The following KIAA0319 variants were observed in gnomAD, a reference collection of about 807,000 sequenced individuals.
KIAA0319 encodes the protein dyslexia-associated protein KIAA0319.
Under a neutral mutation model 108.4 loss-of-function variants are expected in KIAA0319, and 83 were observed. The observed-to-expected ratio is 0.77, with a 90% confidence interval of 0.64 to 0.92. The LOEUF is 0.92. KIAA0319 is among the 40% of genes least tolerant of loss of function. The pLI, the probability that KIAA0319 is intolerant of heterozygous loss-of-function variation, is 0.00. For missense variants in KIAA0319, 1,195 were observed against 1,322.4 expected (o/e 0.90, Z 1.49); for synonymous variants, 484 against 510.4 (o/e 0.95, Z 0.70).
Position 24,599,216 on chromosome 6 carries a change from G to A in KIAA0319, c.55+1833C>T. 2 of 519,788 alleles carry A rather than the reference G, an allele frequency of 3.8e-6. No homozygotes were observed. Among genetic ancestry groups the A allele is most frequent in the Non-Finnish European group, 3.5e-6 (1 of 282,498 alleles). The allele number at this position is 519,788 out of a possible 1,614,324, so 32.2% of individuals were successfully genotyped here. The stretch of plus-strand genomic sequence containing the variant: ...GCCTGTACCAGGTCAAGTATGAGGA[G>A]CTGCAGGCACTGGCTGGGAAGCACA... On this transcript the variant is annotated intron_variant, in intron 2 of 20. Transcript: ENST00000378214. The surrounding 1 kb of genome is among the most constrained non-coding windows in gnomAD (Gnocchi z 4.1).
At chr6:24,564,883 C>T (rs887410770) in intron 14 of KIAA0319, among the ~76,000 whole-genome samples, 7 of 152,130 alleles carry the variant, frequency 4.6e-5, no homozygotes, top group African/African-American at 7.2e-5. Flanking sequence ...AACAGAGACT[C>T]ATTGTTATTA....
chr6:24,599,120 G>A lies in KIAA0319; in HGVS notation c.55+1929C>T. On this transcript the variant is annotated intron_variant, in intron 2 of 20. Coordinates refer to ENST00000378214, the MANE Select transcript of KIAA0319 (RefSeq NM_014809.4). The surrounding 1 kb of genome is among the most constrained non-coding windows in gnomAD (Gnocchi z 4.1). Reference sequence around the variant, plus strand: ...TGGACAACAGCTGGTCCCTGGACATGGACAGCATCATTGCTGAGGTCAAGG... The same window carrying A: ...TGGACAACAGCTGGTCCCTGGACATAGACAGCATCATTGCTGAGGTCAAGG... The A allele has an allele frequency of 1.5e-6, 1 of 667,246 alleles. No homozygotes were observed. Among genetic ancestry groups the A allele is most frequent in the Non-Finnish European group, 2.7e-6 (1 of 375,342 alleles). 41.3% of individuals were successfully genotyped at this position (667,246 alleles called of 1,614,324 possible). A position where few individuals can be genotyped will look rare whatever the true frequency, so the allele number is the denominator to read the frequency against.
At chr6:24,581,734 A>T (rs886145444) in intron 6 of KIAA0319, among the ~76,000 whole-genome samples, 8 of 152,192 alleles carry the variant, frequency 5.3e-5, no homozygotes, top group Admixed American at 1.3e-4. Context: ...CCAAACTGAG[A>T]TATACTAAGT....
rs755107346 is a variant in KIAA0319 at position 24,569,891 on chromosome 6, G to C, written c.1991+12C>G. 6.2e-7 allele frequency: 1 copy of C among 1,613,572 alleles called. No homozygotes were observed. The highest frequency in any genetic ancestry group is 8.5e-7 in the Non-Finnish European group (1 of 1,179,678). Reference sequence around the variant, plus strand: ...ATGGGCATGAACCTAGCTCAGTGGCGAGACAGACTACCTGACGTGCTCCCA... The same window carrying C: ...ATGGGCATGAACCTAGCTCAGTGGCCAGACAGACTACCTGACGTGCTCCCA... On this transcript the variant is annotated intron_variant, in intron 12 of 20. Coordinates refer to ENST00000378214, the MANE Select transcript of KIAA0319 (RefSeq NM_014809.4).
downstream of KIAA0319, among the ~76,000 whole-genome samples, chr6:24,541,868 G>A (rs1016439769): frequency 6.6e-6 from 1 of 152,162 alleles, no homozygotes; most frequent in African/African-American, 2.4e-5. Flanking sequence ...GGCTGGTCAT[G>A]GTGGCCCATG....
rs537111702 is a variant in KIAA0319, at chr6:24,596,945, T to TTCCATCCA, written c.56-335_56-328dup. On this transcript the variant is annotated intron_variant, in intron 2 of 20. Transcript: ENST00000378214. ...TACTCATCCATCTACCCTTCTACTT[T>TTCCATCCA]TCCATCCATCCATCCATCCATCCAT... is the stretch of plus-strand genomic sequence containing the variant. Among the ~76,000 whole-genome samples, 210 of 151,544 alleles carry TTCCATCCA rather than the reference T, an allele frequency of 1.4e-3. 1 individual carries two copies. The highest frequency in any genetic ancestry group is 4.8e-3 in the African/African-American group (197 of 41,286).
chr6:24,580,025 C>T, intron 7 of KIAA0319, 75 bp from the exon 8 acceptor site: 10 of 1,174,366 alleles, frequency 8.5e-6, no homozygotes, highest in Non-Finnish European at 1.2e-5. Context: ...AAATCATCTA[C>T]TTTAAAAAAT....
chr6:24,561,345 C>T (rs1763071100), intron 16 of KIAA0319, among the ~76,000 whole-genome samples: 1 of 152,188 alleles, frequency 6.6e-6, no homozygotes, highest in African/African-American at 2.4e-5. Flanking sequence ...CAGAATTAAT[C>T]AGTGAAGCCA....
At chr6:24,629,866 G>C (rs368946766) in intron 1 of KIAA0319, among the ~76,000 whole-genome samples, 70 of 152,264 alleles carry the variant, frequency 4.6e-4, no homozygotes, top group South Asian at 1.9e-3. Flanking sequence ...AATGGAGGCT[G>C]AGTGAATGAA....
At chr6:24,592,490 C>A (rs1001291068) in intron 3 of KIAA0319, among the ~76,000 whole-genome samples, 1 of 151,978 alleles carries the variant, frequency 6.6e-6, no homozygotes, top group Non-Finnish European at 1.5e-5. Context: ...GGTCTCTCAC[C>A]CGTAGCCTCA....
At position 24,588,620 on chromosome 6, in the gene KIAA0319, T is replaced by G. The variant is rs773213175; in HGVS notation, c.967A>C (p.Ile323Leu). 8.7e-6 allele frequency: 14 copies of G among 1,613,780 alleles called. No individual in the cohort carries two copies. In the Admixed American group the frequency reaches 1.3e-4, roughly 15 times the overall value. Reference protein sequence around the residue: ...PSESTPSELPISPTTAPRTVK... With the variant: ...PSESTPSELPLSPTTAPRTVK... ...GTCCTGGGAGCAGTGGTAGGAGATA[T>G]GGGTAGCTCAGATGGGGTGGACTCA... Residue 323 changes from isoleucine (I) to leucine (L), a missense_variant, in exon 4 of 21, where the codon ATA becomes CTA. Coordinates refer to ENST00000378214, the MANE Select transcript of KIAA0319 (RefSeq NM_014809.4).
intron 19 of KIAA0319, among the ~76,000 whole-genome samples, chr6:24,554,302 T>C (rs1231145760): frequency 6.6e-6 from 1 of 152,180 alleles, no homozygotes; most frequent in African/African-American, 2.4e-5. Flanking sequence ...GTAAGACTGA[T>C]AGAGAATAAC....
intron 16 of KIAA0319, among the ~76,000 whole-genome samples, chr6:24,560,170 A>T (rs1268277730): frequency 6.6e-6 from 1 of 152,226 alleles, no homozygotes; most frequent in Non-Finnish European, 1.5e-5. Flanking sequence ...ACATTCATAT[A>T]CAAGTTTCTG....
intron 11 of KIAA0319, 43 bp downstream of exon 11, chr6:24,572,532 C>G: frequency 6.3e-7 from 1 of 1,594,626 alleles, no homozygotes; most frequent in South Asian, 1.1e-5. Context: ...GCTATCATTT[C>G]TGCTTTAATC....
At chr6:24,577,269 C>G (rs887168698) in intron 9 of KIAA0319, among the ~76,000 whole-genome samples, 1 of 152,182 alleles carries the variant, frequency 6.6e-6, no homozygotes, top group Non-Finnish European at 1.5e-5. Context: ...GTTCTGCCTG[C>G]AGGTTGAGCA....
chr6:24,547,906 G>A (rs1029617336), intron 20 of KIAA0319, among the ~76,000 whole-genome samples: 5 of 152,132 alleles, frequency 3.3e-5, no homozygotes, highest in East Asian at 1.9e-4. Context: ...GGTGGCTCAC[G>A]CCTATAATCC....
chr6:24,595,323 GATCATGAGGTCA>G (rs140466944), intron 3 of KIAA0319, among the ~76,000 whole-genome samples: 4,209 of 152,124 alleles, frequency 0.028, 163 homozygotes, highest in African/African-American at 0.091. Context: ...AAGGTGGGTG[GATCATGAGGTCA>G]GGAGATCTAG....
At chr6:24,568,410 C>G (rs1170390768) in intron 13 of KIAA0319, among the ~76,000 whole-genome samples, 1 of 152,176 alleles carries the variant, frequency 6.6e-6, no homozygotes, top group Admixed American at 6.5e-5. Context: ...TAGTCTAGAC[C>G]ACAGATTTCA....
chr6:24,624,340 T>C (rs1268789157), intron 1 of KIAA0319, among the ~76,000 whole-genome samples: 1 of 151,700 alleles, frequency 6.6e-6, no homozygotes, highest in East Asian at 1.9e-4. Flanking sequence ...ATGCCAGGCC[T>C]TGAATTTCTT....
Sources: gnomAD v4.1 joint callset for allele counts (sites outside exome capture counted in the v4.1 genomes callset) on GRCh38, gnomAD v4.1.1 for gene constraint, Gnocchi (gnomAD v3.1) non-coding constraint, MANE v1.5 for transcripts, NCBI Gene and HGNC (gene_info 2026-07-23, HGNC 2026-07-21) for gene names.